The following TVP23B variants were observed in gnomAD, a reference collection of about 807,000 sequenced individuals.
The protein encoded by TVP23B is Golgi apparatus membrane protein TVP23 homolog B.
In TVP23B, 10 loss-of-function variants were observed where a neutral mutation model predicts 30.6. The observed-to-expected ratio is 0.33, with a 90% CI of 0.20 to 0.55. The LOEUF is 0.55. Ranked by LOEUF, TVP23B falls within the 20% of genes least tolerant of loss-of-function variation. TVP23B has a pLI of 0.91. For synonymous variants in TVP23B, 67 were observed against 83.1 expected (o/e 0.81, Z 1.06); for missense variants, 153 against 243.2 (o/e 0.63, Z 2.47).
At chr17:18,792,111 G>A (rs575808114) in intron 3 of TVP23B, among the ~76,000 whole-genome samples, 17 of 151,510 alleles carry the variant, frequency 1.1e-4, no homozygotes, top group Non-Finnish European at 2.2e-4. Context: ...TTGGCTCACC[G>A]CAACCTCTGC....
chr17:18,793,533 T>C (rs1174740543), intron 3 of TVP23B, among the ~76,000 whole-genome samples: 2 of 150,580 alleles, frequency 1.3e-5, no homozygotes, highest in African/African-American at 4.9e-5. Context: ...GAGGCGGAGC[T>C]TGCAGTGAGC....
chr17:18,801,253 TG>T (rs143734318), intron 5 of TVP23B, among the ~76,000 whole-genome samples: 15,548 of 151,662 alleles, frequency 0.1, 883 homozygotes, highest in Non-Finnish European at 0.14. Flanking sequence ...TTTATTTTGG[TG>T]GGGTTTTTTT....
chr17:18,802,157 G>C (rs781037823), intron 5 of TVP23B, among the ~76,000 whole-genome samples: 31 of 152,292 alleles, frequency 2.0e-4, no homozygotes, highest in Non-Finnish European at 3.7e-4. Context: ...AGGAGGCAGA[G>C]TTTGCAGTGA....
chr17:18,781,223 C>G lies in TVP23B; in HGVS notation c.-71C>G, dbSNP rs2035799366. 1 of 1,548,810 alleles carries G rather than the reference C, an allele frequency of 6.5e-7. No individual in the cohort carries two copies. The highest frequency in any genetic ancestry group is 2.0e-5 in the Admixed American group (1 of 50,910). On this transcript the variant is annotated 5_prime_UTR_variant, in exon 1 of 7. Transcript: ENST00000307767. ...GCTGGCCCTTGGTGACGGGTCGCCT[C>G]AGTTCCGACCCGGACCCGTACGCTG...
At chr17:18,802,208 C>T (rs1412630405) in intron 5 of TVP23B, among the ~76,000 whole-genome samples, 5 of 151,974 alleles carry the variant, frequency 3.3e-5, no homozygotes, top group African/African-American at 9.7e-5. Context: ...AGCAACAGAG[C>T]GAGACTCCAT....
At chr17:18,804,963 C>T (rs537748158) in intron 6 of TVP23B, among the ~76,000 whole-genome samples, 2 of 152,068 alleles carry the variant, frequency 1.3e-5, no homozygotes, top group African/African-American at 4.8e-5. Context: ...TGTTTTTTTC[C>T]CCCTAGAACA....
intron 3 of TVP23B, among the ~76,000 whole-genome samples, chr17:18,795,453 C>T (rs1476006469): frequency 1.3e-5 from 2 of 152,104 alleles, no homozygotes; most frequent in Non-Finnish European, 2.9e-5. Context: ...GACCAAGTCC[C>T]ATAAATCCAT....
At chr17:18,801,441 A>G (rs1183430749) in intron 5 of TVP23B, among the ~76,000 whole-genome samples, 1 of 152,004 alleles carries the variant, frequency 6.6e-6, no homozygotes, top group Non-Finnish European at 1.5e-5. Context: ...ATCCCCCTTG[A>G]CCACCTTCTC....
chr17:18,803,285 T>TTATA (rs909237293), intron 5 of TVP23B, among the ~76,000 whole-genome samples: 1 of 152,178 alleles, frequency 6.6e-6, no homozygotes, highest in Non-Finnish European at 1.5e-5. Context: ...CCTTGCCCAC[T>TTATA]TATATATTGT....
chr17:18,791,120 A>G, intron 3 of TVP23B, 80 bp downstream of exon 3: 1 of 1,315,840 alleles, frequency 7.6e-7, no homozygotes, highest in Non-Finnish European at 9.8e-7. Context: ...ATTTTGCATT[A>G]TTGTTAATCT....
chr17:18,804,546 T>C lies in TVP23B; in HGVS notation c.591+280T>C, dbSNP rs956794001. On this transcript the variant is annotated intron_variant, in intron 6 of 6. Transcript: ENST00000307767. ...AAGTTCAGTTGTTTTTCATCAATTA[T>C]GGGAGCTTTAAGTGAATGCCCTTGC... The C allele has an allele frequency of 5.2e-5, 66 of 1,257,736 alleles. 1 individual carries two copies. The Admixed American group carries it at 2.2e-3, about 42-fold the overall frequency. The allele number at this position is 1,257,736 out of a possible 1,614,324, so 77.9% of individuals were successfully genotyped here. A position where few individuals can be genotyped will look rare whatever the true frequency, so the allele number is the denominator to read the frequency against.
chr17:18,788,925 GAA>G (rs2035950739), intron 1 of TVP23B: 1 of 167,858 alleles, frequency 6.0e-6, no homozygotes, highest in South Asian at 1.6e-4. Flanking sequence ...CCTTGGATAA[GAA>G]GAGGAGGAGT....
At chr17:18,803,702 CT>C (rs914907384) in intron 5 of TVP23B, among the ~76,000 whole-genome samples, 6 of 152,376 alleles carry the variant, frequency 3.9e-5, no homozygotes, top group African/African-American at 1.2e-4. Context: ...AGATTCACCC[CT>C]ACCTGCTCTC....
intron 6 of TVP23B, chr17:18,804,527 A>C: frequency 8.0e-7 from 1 of 1,253,378 alleles, no homozygotes; most frequent in Non-Finnish European, 1.0e-6. Context: ...TTTTAAGTTC[A>C]GTTGTTTTTC....
At chr17:18,803,063 A>G (rs1186651875) in intron 5 of TVP23B, among the ~76,000 whole-genome samples, 1 of 152,196 alleles carries the variant, frequency 6.6e-6, no homozygotes, top group Non-Finnish European at 1.5e-5. Flanking sequence ...TCTATTAATT[A>G]AACATTAAAA....
chr17:18,784,233 CATATATGCTTGTCTT>C (rs1197356714), intron 1 of TVP23B, among the ~76,000 whole-genome samples: 2 of 152,198 alleles, frequency 1.3e-5, no homozygotes, highest in East Asian at 3.9e-4. Flanking sequence ...AGACTTGTAT[CATATATGCTTGTCTT>C]TTAATTCTTC....
At chr17:18,788,457 G>T (rs1191841277) in intron 1 of TVP23B, among the ~76,000 whole-genome samples, 7 of 151,988 alleles carry the variant, frequency 4.6e-5, no homozygotes, top group African/African-American at 1.7e-4. Context: ...AAGTGGCCTT[G>T]AAGAAGTTTA....
At chr17:18,798,237 G>A (rs1022237321) in intron 4 of TVP23B, among the ~76,000 whole-genome samples, 2 of 152,060 alleles carry the variant, frequency 1.3e-5, no homozygotes, top group African/African-American at 2.4e-5. Context: ...AATTCTTGGC[G>A]ACAGTACACC....
chr17:18,784,145 AAAAC>A (rs113876902), intron 1 of TVP23B, among the ~76,000 whole-genome samples: 411 of 151,102 alleles, frequency 2.7e-3, no homozygotes, highest in Admixed American at 0.012. Flanking sequence ...ACTCCGTCTC[AAAAC>A]AAACAAACAA....
Sources: allele counts gnomAD v4.1 joint callset (sites outside exome capture counted in the v4.1 genomes callset), GRCh38; gene constraint gnomAD v4.1.1; transcripts MANE v1.5; gene names NCBI Gene and HGNC (gene_info 2026-07-23, HGNC 2026-07-21).